Variants in ASB4 observed in about 807,000 individuals in gnomAD.
ASB4 encodes the protein ankyrin repeat and SOCS box containing 4.
In ASB4, 35 loss-of-function variants were observed where a neutral mutation model predicts 38.6. That is an observed-to-expected ratio of 0.91 (90% CI 0.69 to 1.20). The LOEUF (loss-of-function observed/expected upper bound fraction) is 1.20. ASB4 is among the 50% of genes most tolerant of loss of function. The pLI is 0.00. For synonymous variants in ASB4, 195 were observed against 201.3 expected, an observed-to-expected ratio of 0.97 and a Z score of 0.26; for missense variants, 557 against 527.2, an observed-to-expected ratio of 1.06 and a Z score of -0.55.
intron 2 of ASB4, among the ~76,000 whole-genome samples, chr7:95,510,329 T>G (rs1790462841): frequency 6.6e-6 from 1 of 152,174 alleles, no homozygotes; most frequent in Admixed American, 6.5e-5. Flanking sequence ...TATCATGCCT[T>G]TATTTTGGTT....
At position 95,540,024 on chromosome 7, in the gene ASB4, T is replaced by C. The variant is rs1449937803; in HGVS notation, c.*2265T>C. 2 of 152,228 alleles carry C rather than the reference T, an allele frequency of 1.3e-5. No homozygotes were observed. Among genetic ancestry groups the C allele is most frequent in the South Asian group, 2.1e-4 (1 of 4,834 alleles). The allele number at this position is 152,228 out of a possible 1,614,324, so 9.4% of individuals were successfully genotyped here. On this transcript the variant is annotated 3_prime_UTR_variant, in exon 5 of 5. Coordinates refer to ENST00000325885, the MANE Select transcript of ASB4 (RefSeq NM_016116.3). ...ACTGACTTGGGGCAAGTAAAACTGA[T>C]GCTGAGGACAAAGGGAGAAGATGTT...
chr7:95,551,073 C>T, the ASB4 span, among the ~76,000 whole-genome samples: 1 of 152,112 alleles, frequency 6.6e-6, no homozygotes, highest in Non-Finnish European at 1.5e-5. Context: ...CTCCAACTAC[C>T]AGGTTCAAGC....
rs1008365877 is a variant in ASB4, at chr7:95,508,061, AT to A, written c.487+12014del. ...TGAAGAGGAAAATGGGTTTGAACTT[AT>A]TTTTTTTTTAGATTTTAGATGATAG... On this transcript the variant is annotated intron_variant, in intron 2 of 4. Transcript: ENST00000325885. Among the ~76,000 whole-genome samples, 1,306 of 149,760 alleles carry A rather than the reference AT, an allele frequency of 8.7e-3. 20 individuals are homozygous for A. The highest frequency in any genetic ancestry group is 0.028 in the African/African-American group (1,155 of 40,968).
intron 2 of ASB4, among the ~76,000 whole-genome samples, chr7:95,515,324 CCTTCCTTCCTTT>C (rs1562817380): frequency 1.0e-5 from 1 of 98,916 alleles, no homozygotes; most frequent in African/African-American, 3.6e-5. Context: ...TTTCTTCCTT[CCTTCCTTCCTTT>C]CTTTCTTTCT....
intron 1 of ASB4, among the ~76,000 whole-genome samples, chr7:95,495,132 A>C (rs1423201777): frequency 6.6e-6 from 1 of 152,164 alleles, no homozygotes; most frequent in African/African-American, 2.4e-5. Flanking sequence ...AAATCGTTTA[A>C]AAAATCTTTA....
At chr7:95,515,158 T>TC (rs1491519789) in intron 2 of ASB4, among the ~76,000 whole-genome samples, 2,863 of 97,638 alleles carry the variant, frequency 0.029, 73 homozygotes, top group Middle Eastern at 0.056. Context: ...TCTTTCTTTC[T>TC]TTCTCTTTCT....
chr7:95,490,564 A>G (rs1287110706), intron 1 of ASB4, among the ~76,000 whole-genome samples: 1 of 152,220 alleles, frequency 6.6e-6, no homozygotes, highest in Non-Finnish European at 1.5e-5. Context: ...TTTGGCTGTA[A>G]TAACAGAGGC....
At chr7:95,520,109 G>A (rs571996928) in intron 2 of ASB4, among the ~76,000 whole-genome samples, 1 of 152,246 alleles carries the variant, frequency 6.6e-6, no homozygotes, top group African/African-American at 2.4e-5. Flanking sequence ...CAGTGCTGGG[G>A]CATTATATTC....
At chr7:95,527,427 A>C (rs1358112228) in intron 2 of ASB4, among the ~76,000 whole-genome samples, 1 of 152,214 alleles carries the variant, frequency 6.6e-6, no homozygotes. Context: ...AAGTGTTGTG[A>C]CATAACATTT....
intron 2 of ASB4, among the ~76,000 whole-genome samples, chr7:95,517,601 G>GAA (rs111917269): frequency 7.1e-5 from 10 of 141,168 alleles, no homozygotes; most frequent in African/African-American, 2.6e-4. Flanking sequence ...CAAGGAAACT[G>GAA]AAAAAAAAAA....
chr7:95,520,055 A>G (rs1016956390), intron 2 of ASB4, among the ~76,000 whole-genome samples: 31 of 152,346 alleles, frequency 2.0e-4, no homozygotes, highest in African/African-American at 7.5e-4. Flanking sequence ...AAAATTAACA[A>G]AAACATCTAA....
chr7:95,537,770 A>G lies in ASB4; in HGVS notation c.*11A>G. ...GGAATTATTTATTAAGCCTTATGAG[A>G]CAGCAGTTCCCAATCCTAGGTATTT... On this transcript the variant is annotated 3_prime_UTR_variant, in exon 5 of 5. Coordinates refer to ENST00000325885, the MANE Select transcript of ASB4 (RefSeq NM_016116.3). 1.2e-6 allele frequency: 2 copies of G among 1,608,194 alleles called. No homozygotes were observed. Among genetic ancestry groups the G allele is most frequent in the African/African-American group, 1.3e-5 (1 of 74,878 alleles).
At chr7:95,474,034 A>G (rs1480823395), upstream of ASB4, 1 of 152,202 alleles carries the variant, frequency 6.6e-6, no homozygotes, top group Non-Finnish European at 1.5e-5. Flanking sequence ...ATGAATCTCG[A>G]TCTTTTCTGT....
chr7:95,507,242 G>T (rs1790423139), intron 2 of ASB4, among the ~76,000 whole-genome samples: 1 of 151,748 alleles, frequency 6.6e-6, no homozygotes, highest in African/African-American at 2.4e-5. Context: ...AGATTGGTCA[G>T]ATTCTCCGAA....
downstream of ASB4, among the ~76,000 whole-genome samples, chr7:95,544,948 A>G (rs750451516): frequency 1.3e-4 from 20 of 152,150 alleles, no homozygotes; most frequent in Non-Finnish European, 1.9e-4. Context: ...TCGGCCTTCC[A>G]AAGTGCTGGG....
chr7:95,546,349 C>T, the ASB4 span, among the ~76,000 whole-genome samples: 525 of 152,158 alleles, frequency 3.5e-3, 2 homozygotes, highest in African/African-American at 0.012. Flanking sequence ...AGACATGGGC[C>T]GCATCTAAAT....
intron 2 of ASB4, among the ~76,000 whole-genome samples, chr7:95,525,194 C>A (rs187279080): frequency 2.0e-5 from 3 of 152,194 alleles, no homozygotes; most frequent in African/African-American, 7.2e-5. Flanking sequence ...CCTCCAAAGT[C>A]TCTGGAAGAA....
At chr7:95,489,784 T>C (rs1011300743) in intron 1 of ASB4, among the ~76,000 whole-genome samples, 1 of 152,210 alleles carries the variant, frequency 6.6e-6, no homozygotes, top group African/African-American at 2.4e-5. Context: ...GATATAACAT[T>C]AATTATGAGC....
chr7:95,490,178 A>G (rs1159713409), intron 1 of ASB4, among the ~76,000 whole-genome samples: 2 of 152,212 alleles, frequency 1.3e-5, no homozygotes, highest in Non-Finnish European at 2.9e-5. Flanking sequence ...ACTTTCTGGC[A>G]GGTACTCTGT....
Sources: gnomAD v4.1 joint callset for allele counts (sites outside exome capture counted in the v4.1 genomes callset) on GRCh38, gnomAD v4.1.1 for gene constraint, MANE v1.5 for transcripts, NCBI Gene and HGNC (gene_info 2026-07-23, HGNC 2026-07-21) for gene names.